DLGAP3: variants seen among roughly 807,000 people sequenced by gnomAD.
DLGAP3 encodes disks large-associated protein 3.
In DLGAP3, 17 loss-of-function variants were observed where a neutral mutation model predicts 81.2. The observed-to-expected ratio is 0.21, with a 90% CI of 0.14 to 0.31. The LOEUF (loss-of-function observed/expected upper bound fraction) is 0.31, where lower values mean the gene tolerates loss of function less well. Among genes scored for constraint, DLGAP3 ranks in the 10% least tolerant of loss-of-function variants. DLGAP3 has a pLI of 1.00. For synonymous variants in DLGAP3, 577 were observed against 587.4 expected (o/e 0.98, Z 0.26); for missense variants, 1,124 against 1,388.0 (o/e 0.81, Z 3.02).
At chr1:34,911,022 A>AAC in intron 1 of DLGAP3, among the ~76,000 whole-genome samples, 1 of 131,952 alleles carries the variant, frequency 7.6e-6, no homozygotes, top group Non-Finnish European at 1.6e-5. Context: ...GATATTATCC[A>AAC]CCCCCCCCCC....
intron 1 of DLGAP3, among the ~76,000 whole-genome samples, chr1:34,920,681 A>T (rs903759769): frequency 1.3e-5 from 2 of 152,078 alleles, no homozygotes; most frequent in African/African-American, 2.4e-5. Context: ...CATCTTGTTC[A>T]CCTTGATCCT....
chr1:34,869,775 C>T (rs1638952559), intron 8 of DLGAP3, among the ~76,000 whole-genome samples: 2 of 152,132 alleles, frequency 1.3e-5, no homozygotes, highest in Non-Finnish European at 2.9e-5. Context: ...CACGCCTGGC[C>T]GAAGTATTTC....
chr1:34,914,876 T>C (rs1209632519), intron 1 of DLGAP3, among the ~76,000 whole-genome samples: 1 of 152,138 alleles, frequency 6.6e-6, no homozygotes, highest in Non-Finnish European at 1.5e-5. Context: ...CATGCAGGAA[T>C]TTCTGTTTGC....
intron 8 of DLGAP3, among the ~76,000 whole-genome samples, chr1:34,871,173 A>C (rs1417152325): frequency 6.6e-6 from 1 of 152,038 alleles, no homozygotes; most frequent in African/African-American, 2.4e-5. Context: ...CCTACTACCA[A>C]CAAGACAAAG....
intron 8 of DLGAP3, among the ~76,000 whole-genome samples, chr1:34,870,311 G>A (rs1217389995): frequency 6.6e-6 from 1 of 152,128 alleles, no homozygotes; most frequent in Non-Finnish European, 1.5e-5. Context: ...AGATGTGGGA[G>A]GTGGGGGATA....
chr1:34,900,088 G>A lies in DLGAP3; in HGVS notation c.1293C>T (p.Ser431=), dbSNP rs190720111. The change falls in exon 4 of 12, where the codon AGC becomes AGT. Residue 431 remains serine, a synonymous_variant. Coordinates refer to ENST00000373347, the MANE Select transcript of DLGAP3 (RefSeq NM_001080418.3). The surrounding 1 kb of genome is among the most constrained non-coding windows in gnomAD (Gnocchi z 5.6). ...CTTACTTGATCCTGGCCTGGTCCAC[G>A]CTGGAGGAGCGACGGGTGGTGAAGC... ...ARRFTTRRSS[S]VDQARINCCV... 218 of 1,613,552 alleles carry A rather than the reference G, an allele frequency of 1.4e-4. No homozygotes were observed. The East Asian group carries it at 3.3e-3, about 24-fold the overall frequency.
chr1:34,869,132 T>C (rs1638938004), intron 8 of DLGAP3, 43 bp from the exon 9 acceptor site: 9 of 1,456,406 alleles, frequency 6.2e-6, no homozygotes, highest in Non-Finnish European at 8.4e-6. Flanking sequence ...CCCAGGCTCA[T>C]GCCAGCTCTC....
chr1:34,914,858 T>C (rs959698502), intron 1 of DLGAP3, among the ~76,000 whole-genome samples: 3 of 152,164 alleles, frequency 2.0e-5, no homozygotes, highest in African/African-American at 7.2e-5. Context: ...AAACTCATCT[T>C]TTTCACGCAT....
intron 11 of DLGAP3, 115 bp downstream of exon 11, chr1:34,866,933 C>T (rs1638891663): frequency 1.6e-6 from 2 of 1,241,474 alleles, no homozygotes; most frequent in East Asian, 2.3e-5. Context: ...CCAAGGCTGC[C>T]CTTGCTGCCC....
chr1:34,869,583 G>A (rs1046993564), intron 8 of DLGAP3, among the ~76,000 whole-genome samples: 7 of 149,814 alleles, frequency 4.7e-5, no homozygotes, highest in Admixed American at 1.3e-4. Context: ...TCCGCCTCCC[G>A]GGTTCAAGCG....
At chr1:34,905,465 T>C in intron 2 of DLGAP3, 31 bp from the exon 3 acceptor site, 1 of 1,433,752 alleles carries the variant, frequency 7.0e-7, no homozygotes, top group Middle Eastern at 2.5e-4. Context: ...GGTATTTGAA[T>C]TGAACAGCCC....
rs1008680804 is a variant in DLGAP3, at chr1:34,902,254, G to C, written c.1108-1981C>G. 3.3e-5 allele frequency among the ~76,000 whole-genome samples: 5 copies of C among 152,148 alleles called. No homozygotes were observed. The highest frequency in any genetic ancestry group is 1.2e-4 in the African/African-American group (5 of 41,434). ...GCTCCAAAAGGGGTAACGCCTCAGG[G>C]ACAGCATAGGGTTCAGGGGAAAGGT... On this transcript the variant is annotated intron_variant, in intron 3 of 11. Coordinates refer to ENST00000373347, the MANE Select transcript of DLGAP3 (RefSeq NM_001080418.3). This position sits in a 1 kb window ranked among gnomAD's most constrained non-coding sequence, Gnocchi z 4.4.
Position 34,886,064 on chromosome 1 carries a change from G to A in DLGAP3, c.1600+8C>T. ...AGGGCCGGGCCAGGGGCAGGAAGGTGTACTCACAGGAGCCGGGCCTCCCTG... is the reference window on the plus strand; with the variant it reads ...AGGGCCGGGCCAGGGGCAGGAAGGTATACTCACAGGAGCCGGGCCTCCCTG... On this transcript the variant is annotated splice_region_variant and intron_variant, in intron 6 of 11. Coordinates refer to ENST00000373347, the MANE Select transcript of DLGAP3 (RefSeq NM_001080418.3). 6.3e-7 allele frequency: 1 copy of A among 1,593,650 alleles called. No homozygotes were observed. The highest frequency in any genetic ancestry group is 8.5e-7 in the Non-Finnish European group (1 of 1,171,818).
intron 7 of DLGAP3, 135 bp downstream of exon 7, chr1:34,885,343 C>A: frequency 9.8e-7 from 1 of 1,023,320 alleles, no homozygotes. Flanking sequence ...CGTCGATGTC[C>A]AGGCACGGGG....
At chr1:34,869,558 C>T (rs1157157237) in intron 8 of DLGAP3, among the ~76,000 whole-genome samples, 15 of 144,188 alleles carry the variant, frequency 1.0e-4, no homozygotes, top group South Asian at 2.2e-4. Context: ...GGCGCGATCT[C>T]GGCTCACCGC....
intron 8 of DLGAP3, among the ~76,000 whole-genome samples, chr1:34,877,269 A>G (rs1251867240): frequency 1.3e-5 from 2 of 152,188 alleles, no homozygotes; most frequent in African/African-American, 4.8e-5. Flanking sequence ...GGTCTGTTTC[A>G]TTTGCAAACT....
rs1030601017 is a variant in DLGAP3 at position 34,902,299 on chromosome 1, T to TG, written c.1107+1977dup. The stretch of plus-strand genomic sequence containing the variant: ...AAAGGTGGAGACTCTGGGGATGAGA[T>TG]GGGGTCCCTTGAAGGAACCCACGGG... On this transcript the variant is annotated intron_variant, in intron 3 of 11. Transcript: ENST00000373347. This position sits in a 1 kb window ranked among gnomAD's most constrained non-coding sequence, Gnocchi z 4.4. Among the ~76,000 whole-genome samples the TG allele has an allele frequency of 6.6e-6, 1 of 151,788 alleles. No individual in the cohort carries two copies. The highest frequency in any genetic ancestry group is 1.5e-5 in the Non-Finnish European group (1 of 67,914).
chr1:34,928,255 G>A (rs984195544), intron 1 of DLGAP3, among the ~76,000 whole-genome samples: 1 of 152,092 alleles, frequency 6.6e-6, no homozygotes, highest in African/African-American at 2.4e-5. Flanking sequence ...CTGGGAGAGC[G>A]CCACCTGCTC....
intron 1 of DLGAP3, among the ~76,000 whole-genome samples, chr1:34,919,968 C>A (rs1639773035): frequency 6.6e-6 from 1 of 152,238 alleles, no homozygotes; most frequent in East Asian, 1.9e-4. Context: ...ATCCACACCA[C>A]CAGGGTAGAG....
Sources: allele counts gnomAD v4.1 joint callset (sites outside exome capture counted in the v4.1 genomes callset), GRCh38; gene constraint gnomAD v4.1.1; non-coding constraint Gnocchi (gnomAD v3.1); transcripts MANE v1.5; gene names NCBI Gene and HGNC (gene_info 2026-07-23, HGNC 2026-07-21).